The following MBNL1 variants were observed in gnomAD, a reference collection of about 807,000 sequenced individuals.
MBNL1 encodes the protein muscleblind like splicing regulator 1.
In MBNL1, 8 loss-of-function variants were observed where a neutral mutation model predicts 42.2. The ratio of observed to expected loss-of-function variants is 0.19; its 90% confidence interval spans 0.11 to 0.34. The LOEUF (loss-of-function observed/expected upper bound fraction) is 0.34. MBNL1 is among the 10% of genes least tolerant of loss of function. The pLI is 1.00. For synonymous variants in MBNL1, 169 were observed against 173.9 expected (o/e 0.97, Z 0.22); for missense variants, 309 against 495.3 (o/e 0.62, Z 3.57).
In MBNL1 at chr3:152,459,255, AT is replaced by A. The variant is rs773484170; in HGVS notation, c.1093-10del. 2 of 1,487,566 alleles carry A rather than the reference AT, an allele frequency of 1.3e-6. No homozygotes were observed. The highest frequency in any genetic ancestry group is 1.8e-6 in the Non-Finnish European group (2 of 1,090,006). The allele number at this position is 1,487,566 out of a possible 1,614,324, so 92.1% of individuals were successfully genotyped here. On this transcript the variant is annotated splice_polypyrimidine_tract_variant and intron_variant, in intron 8 of 9. Coordinates refer to ENST00000324210, the MANE Select transcript of MBNL1 (RefSeq NM_021038.5). ...GCTTGCATGGATCATTCATTAAATA[AT>A]TTTTTATTTGCTAGATACCCATAAT...
intron 2 of MBNL1, among the ~76,000 whole-genome samples, chr3:152,386,522 G>A (rs2097431580): frequency 6.6e-6 from 1 of 152,074 alleles, no homozygotes; most frequent in Non-Finnish European, 1.5e-5. Context: ...CAAAGTAAAA[G>A]TTAGATTTGG....
chr3:152,301,052 A>AT (rs1487642382), intron 2 of MBNL1: 1 of 263,862 alleles, frequency 3.8e-6, no homozygotes, highest in African/African-American at 2.3e-5. Context: ...TCTAATGTGA[A>AT]TTAGCAGTTT....
At chr3:152,381,190 A>G (rs927630933) in intron 2 of MBNL1, among the ~76,000 whole-genome samples, 1 of 152,066 alleles carries the variant, frequency 6.6e-6, no homozygotes. Flanking sequence ...GTTACTTGTA[A>G]CAAAGACTGG....
At chr3:152,325,381 A>T (rs2079123594) in intron 2 of MBNL1, among the ~76,000 whole-genome samples, 1 of 152,054 alleles carries the variant, frequency 6.6e-6, no homozygotes, top group African/African-American at 2.4e-5. Flanking sequence ...CCTCTTAGTA[A>T]GAAATGCCTG....
chr3:152,425,680 A>G (rs2098918827), intron 3 of MBNL1, among the ~76,000 whole-genome samples: 2 of 152,126 alleles, frequency 1.3e-5, no homozygotes, highest in Admixed American at 6.6e-5. Context: ...TTAGAATGGC[A>G]ATCATTAGAA....
chr3:152,272,978 T>G (rs551494828), intron 1 of MBNL1, among the ~76,000 whole-genome samples: 1 of 152,292 alleles, frequency 6.6e-6, no homozygotes, highest in East Asian at 1.9e-4. Flanking sequence ...AAAATGGATG[T>G]TGTGGATTCT....
rs78350304 is a variant in MBNL1, at chr3:152,293,125, C to T, written c.-789-6280C>T. Among the ~76,000 whole-genome samples, 526 of 152,258 alleles carry T rather than the reference C, an allele frequency of 3.5e-3. 4 individuals carry two copies. The highest frequency in any genetic ancestry group is 0.011 in the African/African-American group (469 of 41,544). Reference sequence around the variant, plus strand: ...CTAAGTTATAATATTGATGTAATCACAGACCGGACACACTAGTTTTAGCAT... The same window carrying T: ...CTAAGTTATAATATTGATGTAATCATAGACCGGACACACTAGTTTTAGCAT... On this transcript the variant is annotated intron_variant, in intron 1 of 9. Coordinates refer to ENST00000324210, the MANE Select transcript of MBNL1 (RefSeq NM_021038.5).
chr3:152,281,567 C>T (rs2048506549), intron 1 of MBNL1, among the ~76,000 whole-genome samples: 1 of 151,914 alleles, frequency 6.6e-6, no homozygotes. Context: ...TACCTAATAC[C>T]CTCTGCCCCA....
intron 6 of MBNL1, chr3:152,449,400 C>G (rs760518902): frequency 1.3e-5 from 2 of 152,186 alleles, no homozygotes; most frequent in African/African-American, 2.4e-5. Flanking sequence ...ATGATAGTTT[C>G]TCTACTAAAG....
intron 2 of MBNL1, among the ~76,000 whole-genome samples, chr3:152,346,377 A>G (rs1258254742): frequency 1.3e-5 from 2 of 152,100 alleles, no homozygotes; most frequent in Non-Finnish European, 2.9e-5. Flanking sequence ...TATATTCCTT[A>G]AATATTCATA....
At chr3:152,430,642 A>T (rs1243386218) in intron 3 of MBNL1, among the ~76,000 whole-genome samples, 2 of 143,688 alleles carry the variant, frequency 1.4e-5, no homozygotes, top group Non-Finnish European at 3.1e-5. Flanking sequence ...TTCAACATAT[A>T]TTCAGTATAC....
chr3:152,452,551 A>T (rs1725467990), intron 6 of MBNL1, among the ~76,000 whole-genome samples: 1 of 152,156 alleles, frequency 6.6e-6, no homozygotes, highest in Non-Finnish European at 1.5e-5. Flanking sequence ...CAGGTACTCC[A>T]GGGGTTCTGT....
In MBNL1 at chr3:152,363,166, T is replaced by C. The variant is rs375016736; in HGVS notation, c.175-51775T>C. On this transcript the variant is annotated intron_variant, in intron 2 of 9. Transcript: ENST00000324210. ...TTCATGGTTTGCAATATTGGAATTATGCATTTGTTTTATAATTTTATTTTT... is the reference window on the plus strand; with the variant it reads ...TTCATGGTTTGCAATATTGGAATTACGCATTTGTTTTATAATTTTATTTTT... Among the ~76,000 whole-genome samples, 60 of 152,352 alleles carry C rather than the reference T, an allele frequency of 3.9e-4. No homozygotes were observed. In the South Asian group the frequency reaches 0.012, roughly 31 times the overall value.
In MBNL1 at chr3:152,275,144, C is replaced by G. The variant is rs901488909; in HGVS notation, c.-790+6052C>G. On this transcript the variant is annotated intron_variant, in intron 1 of 9. Coordinates refer to ENST00000324210, the MANE Select transcript of MBNL1 (RefSeq NM_021038.5). ...ATTACAACAGTGACATTTTAGCACT[C>G]TTTGTGGACGGATAACTCTTCTAGT... 2.0e-5 allele frequency among the ~76,000 whole-genome samples: 3 copies of G among 152,138 alleles called. No individual in the cohort carries two copies. The East Asian group carries it at 5.8e-4, about 29-fold the overall frequency.
intron 2 of MBNL1, among the ~76,000 whole-genome samples, chr3:152,393,932 T>A (rs1333981500): frequency 1.3e-5 from 2 of 152,214 alleles, no homozygotes; most frequent in African/African-American, 4.8e-5. Flanking sequence ...TAATTTTTTC[T>A]GAGAACTATA....
chr3:152,403,010 G>T (rs1560458270), intron 2 of MBNL1, among the ~76,000 whole-genome samples: 1 of 152,078 alleles, frequency 6.6e-6, no homozygotes, highest in Non-Finnish European at 1.5e-5. Context: ...TCTAATAAAA[G>T]CCACCTGTTT....
intron 1 of MBNL1, among the ~76,000 whole-genome samples, chr3:152,290,498 C>T (rs924404713): frequency 6.6e-5 from 10 of 151,960 alleles, no homozygotes; most frequent in African/African-American, 2.4e-4. Flanking sequence ...CAGATTTCAC[C>T]AATGTATGAG....
chr3:152,441,030 C>T (rs1460762318), intron 4 of MBNL1, among the ~76,000 whole-genome samples: 1 of 152,050 alleles, frequency 6.6e-6, no homozygotes, highest in Admixed American at 6.6e-5. Context: ...GGACAAAGTC[C>T]CTGTTTCTTG....
chr3:152,404,052 G>A (rs1190150549), intron 2 of MBNL1, among the ~76,000 whole-genome samples: 2 of 152,190 alleles, frequency 1.3e-5, no homozygotes, highest in Non-Finnish European at 2.9e-5. Context: ...ATGTGAAGCA[G>A]TAGCATTTAA....
Sources: allele counts gnomAD v4.1 joint callset (sites outside exome capture counted in the v4.1 genomes callset), GRCh38; gene constraint gnomAD v4.1.1; transcripts MANE v1.5; gene names NCBI Gene and HGNC (gene_info 2026-07-23, HGNC 2026-07-21).